Variants in CTBP2 observed in about 807,000 individuals in gnomAD.
CTBP2 encodes the protein C-terminal binding protein 2, also known as C-terminal-binding protein 2.
A neutral mutation model predicts 80.3 loss-of-function variants in CTBP2; 30 were observed. The observed-to-expected ratio is 0.37, with a 90% CI of 0.28 to 0.51. The LOEUF (loss-of-function observed/expected upper bound fraction) is 0.51. CTBP2 is among the 20% of genes least tolerant of loss of function. The pLI, the probability that CTBP2 is intolerant of heterozygous loss-of-function variation, is 0.93. For missense variants in CTBP2, 1,212 were observed against 1,375.3 expected (o/e 0.88, Z 1.88); for synonymous variants, 594 against 587.4 (o/e 1.01, Z -0.16).
chr10:125,023,516 A>G (rs561667810), intron 1 of CTBP2, among the ~76,000 whole-genome samples: 16 of 152,338 alleles, frequency 1.1e-4, no homozygotes, highest in Non-Finnish European at 2.4e-4. Flanking sequence ...GACTTGTGCC[A>G]TAGCCGGCCA....
intron 2 of CTBP2, among the ~76,000 whole-genome samples, chr10:125,073,164 T>A (rs1304221201): frequency 6.6e-6 from 1 of 152,232 alleles, no homozygotes; most frequent in Non-Finnish European, 1.5e-5. Context: ...ACATCATCTT[T>A]CTTTCTTAAT....
At chr10:125,009,610 G>A (rs1025435916) in intron 1 of CTBP2, among the ~76,000 whole-genome samples, 2 of 152,208 alleles carry the variant, frequency 1.3e-5, no homozygotes, top group African/African-American at 4.8e-5. Flanking sequence ...CTGATTTCTA[G>A]AAAGCCAGAC....
intron 1 of CTBP2, among the ~76,000 whole-genome samples, chr10:125,144,642 C>T (rs1207257767): frequency 1.3e-5 from 2 of 152,156 alleles, no homozygotes; most frequent in Non-Finnish European, 2.9e-5. Flanking sequence ...CAAGTGAGGG[C>T]CTCGGGGGCG....
rs535580590 is a variant in CTBP2, at chr10:124,984,991, GAAAA to G, written c.*4523_*4526del. 2 of 1,522,158 alleles carry G rather than the reference GAAAA, an allele frequency of 1.3e-6. No individual in the cohort carries two copies. The highest frequency in any genetic ancestry group is 1.8e-6 in the Non-Finnish European group (2 of 1,118,330). 94.3% of individuals were successfully genotyped at this position (1,522,158 alleles called of 1,614,324 possible). A position where few individuals can be genotyped will look rare whatever the true frequency, so the allele number is the denominator to read the frequency against. ...GAAGATGAGGATGATGAAGATGAAT[GAAAA>G]AAAAAATCAAACAGCAGAAGACCAA... On this transcript the variant is annotated 3_prime_UTR_variant, in exon 9 of 9. Coordinates refer to ENST00000309035, the MANE Select transcript of CTBP2 (RefSeq NM_022802.3).
chr10:125,077,384 G>A (rs927689467), intron 2 of CTBP2, among the ~76,000 whole-genome samples: 3 of 152,166 alleles, frequency 2.0e-5, no homozygotes, highest in Admixed American at 1.3e-4. Flanking sequence ...CATCAGCAGG[G>A]ATAAGGCGGC....
chr10:125,013,445 T>C (rs1458921316), intron 1 of CTBP2, among the ~76,000 whole-genome samples: 2 of 152,202 alleles, frequency 1.3e-5, no homozygotes, highest in Non-Finnish European at 2.9e-5. Context: ...TTTTACTTAA[T>C]TGGTTTTCAA....
intron 1 of CTBP2, among the ~76,000 whole-genome samples, chr10:125,003,755 C>A (rs994192536): frequency 1.1e-4 from 17 of 152,284 alleles, no homozygotes; most frequent in African/African-American, 4.1e-4. Flanking sequence ...AGCCTCAGGA[C>A]CATGGGGCCC....
chr10:125,129,392 C>A (rs1382059728), intron 1 of CTBP2, among the ~76,000 whole-genome samples: 1 of 152,090 alleles, frequency 6.6e-6, no homozygotes, highest in Non-Finnish European at 1.5e-5. Context: ...CCCTTCCCCA[C>A]CAATCCCCAC....
chr10:125,058,394 T>C (rs1964360143), intron 2 of CTBP2, among the ~76,000 whole-genome samples: 1 of 152,116 alleles, frequency 6.6e-6, no homozygotes, highest in Non-Finnish European at 1.5e-5. Flanking sequence ...CATCCATTCC[T>C]CTCCCCCTGA....
At chr10:125,011,961 A>C (rs912128237) in intron 1 of CTBP2, among the ~76,000 whole-genome samples, 10 of 152,158 alleles carry the variant, frequency 6.6e-5, no homozygotes, top group Non-Finnish European at 1.5e-4. Flanking sequence ...TTCTGGGGTG[A>C]ATTTTTGCCC....
rs762680785 is a variant in CTBP2 at position 125,027,319 on chromosome 10, T to C, written c.441A>G (p.Ser147=). 11 of 1,613,648 alleles carry C rather than the reference T, an allele frequency of 6.8e-6. No homozygotes were observed. The highest frequency in any genetic ancestry group is 7.6e-6 in the Non-Finnish European group (9 of 1,180,010). ...GTGACCGGCCTTGCATTGGATCCCA[T>C]GACGTTCTGCTGCCAAGCACTCCGT... The change falls in exon 1 of 9, where the codon TCA becomes TCG. Residue 147 remains serine (S), a synonymous_variant. Transcript: ENST00000309035.
chr10:125,047,779 A>G (rs1368369640), intron 2 of CTBP2, among the ~76,000 whole-genome samples: 1 of 152,242 alleles, frequency 6.6e-6, no homozygotes, highest in African/African-American at 2.4e-5. Context: ...GTCTTAATAT[A>G]TGAAATGGGG....
At chr10:125,020,956 CTT>C (rs1371341598) in intron 1 of CTBP2, among the ~76,000 whole-genome samples, 1 of 152,226 alleles carries the variant, frequency 6.6e-6, no homozygotes, top group African/African-American at 2.4e-5. Context: ...GGAGAGCAGT[CTT>C]TGCACAAAAC....
intron 1 of CTBP2, among the ~76,000 whole-genome samples, chr10:125,129,896 C>T (rs977341947): frequency 1.3e-5 from 2 of 152,048 alleles, no homozygotes; most frequent in Non-Finnish European, 2.9e-5. Flanking sequence ...TTTGTGCTAA[C>T]GCAGGCTGAT....
chr10:125,162,419 A>C (rs1861950301), upstream of CTBP2: 1 of 152,276 alleles, frequency 6.6e-6, no homozygotes, highest in African/African-American at 2.4e-5. Flanking sequence ...CCCAGTCTTC[A>C]TTAAACATTT....
At chr10:125,037,195 C>T (rs1958993112) in intron 3 of CTBP2, among the ~76,000 whole-genome samples, 1 of 152,186 alleles carries the variant, frequency 6.6e-6, no homozygotes, top group East Asian at 1.9e-4. Context: ...GTGAACCATC[C>T]TTCAGCACCT....
chr10:125,043,362 G>A (rs932301373), intron 2 of CTBP2, among the ~76,000 whole-genome samples: 4 of 152,182 alleles, frequency 2.6e-5, no homozygotes, highest in African/African-American at 4.8e-5. Flanking sequence ...TCTACCAAGC[G>A]CCCTTAAGGT....
At chr10:125,023,330 C>T (rs1190950074) in intron 1 of CTBP2, among the ~76,000 whole-genome samples, 1 of 152,216 alleles carries the variant, frequency 6.6e-6, no homozygotes, top group Non-Finnish European at 1.5e-5. Flanking sequence ...GAGCTGAGCC[C>T]TGTGCAGGCT....
chr10:125,011,606 C>A (rs1159511408), intron 1 of CTBP2, among the ~76,000 whole-genome samples: 1 of 152,184 alleles, frequency 6.6e-6, no homozygotes, highest in African/African-American at 2.4e-5. Flanking sequence ...AAAATACAAA[C>A]CCCCCTGAAA....
Sources: allele counts gnomAD v4.1 joint callset (sites outside exome capture counted in the v4.1 genomes callset), GRCh38; gene constraint gnomAD v4.1.1; transcripts MANE v1.5; gene names NCBI Gene and HGNC (gene_info 2026-07-23, HGNC 2026-07-21).